ZNF823: variants seen among roughly 807,000 people sequenced by gnomAD.
ZNF823 encodes ZFP 36 for a zinc finger protein.
A neutral mutation model predicts 11.4 loss-of-function variants in ZNF823; 5 were observed. That is an observed-to-expected ratio of 0.44 (90% confidence interval 0.23 to 0.92). The LOEUF (loss-of-function observed/expected upper bound fraction) is 0.92, where lower values mean the gene tolerates loss of function less well. Among genes scored for constraint, ZNF823 ranks in the 40% least tolerant of loss-of-function variants. The probability of loss-of-function intolerance (pLI) is 0.24; values close to 1 mark genes in which losing one functional copy is unlikely to be tolerated. For synonymous variants in ZNF823, 234 were observed against 250.5 expected, an observed-to-expected ratio of 0.93 and a Z score of 0.62; for missense variants, 582 against 738.5, an observed-to-expected ratio of 0.79 and a Z score of 2.46.
intron 1 of ZNF823, among the ~76,000 whole-genome samples, chr19:11,733,174 C>T (rs1974932103): frequency 6.6e-6 from 1 of 151,784 alleles, no homozygotes. Context: ...CAAGACCATG[C>T]TGGCCAACAT....
intron 1 of ZNF823, among the ~76,000 whole-genome samples, chr19:11,730,270 A>T (rs1407159701): frequency 5.9e-5 from 9 of 151,984 alleles, no homozygotes; most frequent in African/African-American, 2.2e-4. Context: ...AAAGGAAGGG[A>T]CTCAGAAATT....
intron 1 of ZNF823, among the ~76,000 whole-genome samples, chr19:11,728,540 G>GT (rs1974837235): frequency 6.6e-6 from 1 of 152,158 alleles, no homozygotes; most frequent in East Asian, 1.9e-4. Flanking sequence ...ATTTGGAACA[G>GT]TAAGTAATAC....
At chr19:11,738,795 AC>A in intron 1 of ZNF823, 21 bp downstream of exon 1, 1 of 1,608,342 alleles carries the variant, frequency 6.2e-7, no homozygotes, top group East Asian at 2.3e-5. Flanking sequence ...TTGCCTCGGG[AC>A]GCCGGGCCCC....
chr19:11,723,393 C>T, intron 3 of ZNF823, 51 bp from the exon 4 acceptor site: 1 of 1,395,918 alleles, frequency 7.2e-7, no homozygotes, highest in South Asian at 1.4e-5. Flanking sequence ...AAGTGATTTT[C>T]TATATATTGA....
chr19:11,734,071 T>C lies in ZNF823; in HGVS notation c.3+4746A>G, dbSNP rs542117323. Among the ~76,000 whole-genome samples the C allele has an allele frequency of 2.5e-4, 38 of 151,652 alleles. 1 individual carries two copies. The highest frequency in any genetic ancestry group is 8.9e-4 in the African/African-American group (37 of 41,362). The stretch of plus-strand genomic sequence containing the variant: ...GCAACATGGTGAAACCTCATCTCTA[T>C]GAAAAATACAAAAATTAGCCGGGCC... On this transcript the variant is annotated intron_variant, in intron 1 of 3. Transcript: ENST00000341191.
intron 1 of ZNF823, among the ~76,000 whole-genome samples, chr19:11,726,394 C>T (rs1428744174): frequency 6.6e-6 from 1 of 150,796 alleles, no homozygotes; most frequent in Non-Finnish European, 1.5e-5. Context: ...ACCTGTTAGC[C>T]ACAGCACAAG....
At position 11,724,400 on chromosome 19, in the gene ZNF823, C is replaced by G. The variant is rs373408773; in HGVS notation, c.131-146G>C. On this transcript the variant is annotated intron_variant, in intron 2 of 3. Coordinates refer to ENST00000341191, the MANE Select transcript of ZNF823 (RefSeq NM_001080493.4). The stretch of plus-strand genomic sequence containing the variant: ...CAACACAGGTTTGAACTGCACAGCT[C>G]CACTCATACATGAATGTTCTTCAGT... 192 of 675,376 alleles carry G rather than the reference C, an allele frequency of 2.8e-4. 1 individual carries two copies. In the African/African-American group the frequency reaches 3.1e-3, roughly 11 times the overall value. The allele number at this position is 675,376 out of a possible 1,614,324, so 41.8% of individuals were successfully genotyped here.
intron 1 of ZNF823, among the ~76,000 whole-genome samples, chr19:11,725,593 C>A (rs1257669129): frequency 6.6e-6 from 1 of 152,128 alleles, no homozygotes; most frequent in East Asian, 1.9e-4. Context: ...CCTGCGTCAC[C>A]CCTGATGTCT....
Position 11,722,130 on chromosome 19 carries a change from C to T in ZNF823, c.1404G>A (p.Glu468=). The T allele has an allele frequency of 6.2e-7, 1 of 1,614,026 alleles. No homozygotes were observed. The highest frequency in any genetic ancestry group is 8.5e-7 in the Non-Finnish European group (1 of 1,179,992). The change falls in exon 4 of 4, where the codon GAG becomes GAA. Residue 468 remains glutamate (E), a synonymous_variant. Transcript: ENST00000341191. The surrounding 1 kb of genome is among the most constrained non-coding windows in gnomAD (Gnocchi z 5.2). The stretch of plus-strand genomic sequence containing the variant: ...CACATTCCTTACACTCATATGGCTT[C>T]TCTCCAGTGTGAGTTGTCTCATGAT... The part of the protein sequence containing the change: ...FQNHETTHTG[E]KPYECKECGK...
chr19:11,738,485 C>G (rs1236462835), intron 1 of ZNF823, among the ~76,000 whole-genome samples: 10 of 152,260 alleles, frequency 6.6e-5, no homozygotes, highest in Non-Finnish European at 1.0e-4. Flanking sequence ...CCTTCGGCGT[C>G]TCGGTGCAGT....
At chr19:11,733,469 G>A (rs2145219702) in intron 1 of ZNF823, among the ~76,000 whole-genome samples, 1 of 152,238 alleles carries the variant, frequency 6.6e-6, no homozygotes, top group East Asian at 1.9e-4. Flanking sequence ...GGGAGGCCGA[G>A]GTAGGAGAAT....
intron 1 of ZNF823, among the ~76,000 whole-genome samples, chr19:11,733,733 A>G (rs1359998265): frequency 3.3e-5 from 5 of 152,178 alleles, no homozygotes; most frequent in African/African-American, 4.8e-5. Context: ...TTTAAAAATT[A>G]TATCACAGAC....
chr19:11,725,397 T>C, intron 1 of ZNF823, 70 bp from the exon 2 acceptor site: 3 of 1,589,120 alleles, frequency 1.9e-6, no homozygotes, highest in South Asian at 1.1e-5. Flanking sequence ...ACTCACTGCA[T>C]AAACTTTGCA....
intron 1 of ZNF823, among the ~76,000 whole-genome samples, chr19:11,727,016 A>G (rs1974803445): frequency 6.6e-6 from 1 of 152,304 alleles, no homozygotes; most frequent in South Asian, 2.1e-4. Context: ...CACTATCTCA[A>G]TGGAAAAATT....
intron 1 of ZNF823, among the ~76,000 whole-genome samples, chr19:11,727,951 G>A (rs8107541): frequency 0.21 from 31,858 of 150,112 alleles, 3,926 homozygotes; most frequent in African/African-American, 0.34. Flanking sequence ...TCAGTGTCTC[G>A]CTGCAAGCTC....
At position 11,722,767 on chromosome 19, in the gene ZNF823, G is replaced by A. The variant is rs776045982; in HGVS notation, c.767C>T (p.Ala256Val). The A allele has an allele frequency of 6.2e-7, 1 of 1,614,102 alleles. No homozygotes were observed. The highest frequency in any genetic ancestry group is 1.1e-5 in the South Asian group (1 of 91,082). The change falls in exon 4 of 4, where the codon GCC becomes GTC. Residue 256 changes from alanine to valine, a missense_variant. Physicochemically the swap from Ala to Val is moderately conservative, Grantham distance 64. This residue lies in a region of ZNF823 where 429 missense variants were observed against 553.7 expected (regional missense o/e 0.77). Transcript: ENST00000341191. The surrounding 1 kb of genome is among the most constrained non-coding windows in gnomAD (Gnocchi z 5.2). Reference protein sequence around the residue: ...KAYECKQCSKAFPDYSTYLRH... With the variant: ...KAYECKQCSKVFPDYSTYLRH... ...TAGATAGGTACTGTAATCAGGAAAG[G>A]CTTTGGAACACTGCTTACATTCATA...
At chr19:11,731,789 C>A (rs1175862049) in intron 1 of ZNF823, among the ~76,000 whole-genome samples, 3 of 152,242 alleles carry the variant, frequency 2.0e-5, no homozygotes, top group East Asian at 1.9e-4. Flanking sequence ...GCAGGTGGAT[C>A]ACCTGAGGTC....
In ZNF823 at chr19:11,722,206, G is replaced by A. The variant is rs1273351738; in HGVS notation, c.1328C>T (p.Pro443Leu). 6.2e-7 allele frequency: 1 copy of A among 1,613,474 alleles called. No homozygotes were observed. The highest frequency in any genetic ancestry group is 1.1e-5 in the South Asian group (1 of 91,040). ...RHEATHTGVKPYKCQCGKAFS... is the reference protein window; with the variant it reads ...RHEATHTGVKLYKCQCGKAFS... The stretch of plus-strand genomic sequence containing the variant: ...GGCTTTCCCACACTGACATTTATAG[G>A]GTTTCACTCCAGTGTGAGTTGCTTC... The change falls in exon 4 of 4, where the codon CCC becomes CTC. Residue 443 changes from proline (P) to leucine (L), a missense_variant. Coordinates refer to ENST00000341191, the MANE Select transcript of ZNF823 (RefSeq NM_001080493.4). This position sits in a 1 kb window ranked among gnomAD's most constrained non-coding sequence, Gnocchi z 5.2.
In ZNF823 at chr19:11,723,185, T is replaced by G; in HGVS notation, c.349A>C (p.Ile117Leu). Residue 117 changes from isoleucine (I) to leucine (L), a missense_variant, in exon 4 of 4, where the codon ATC (isoleucine) becomes CTC (leucine). This residue lies in a region of ZNF823 where 429 missense variants were observed against 553.7 expected (regional missense o/e 0.77). Transcript: ENST00000341191. ...VLGHSSLNCNIRVDTGHKSCE... is the reference protein window; with the variant it reads ...VLGHSSLNCNLRVDTGHKSCE... ...GATTTGTGTCCAGTGTCAACTCTGA[T>G]GTTGCAATTAAGAGACGAATGACCC... 6.2e-7 allele frequency: 1 copy of G among 1,614,208 alleles called. No individual in the cohort carries two copies.
Sources: allele counts gnomAD v4.1 joint callset (sites outside exome capture counted in the v4.1 genomes callset), GRCh38; gene constraint gnomAD v4.1.1; regional missense constraint gnomAD v4.1.1; non-coding constraint Gnocchi (gnomAD v3.1); transcripts MANE v1.5; gene names NCBI Gene and HGNC (gene_info 2026-07-23, HGNC 2026-07-21).